Variants in GALK2 observed in about 807,000 individuals in gnomAD.
GALK2 encodes N-acetylgalactosamine kinase.
Under a neutral mutation model 52.4 loss-of-function variants are expected in GALK2, and 36 were observed. The ratio of observed to expected loss-of-function variants is 0.69; its 90% CI spans 0.53 to 0.91. The LOEUF is 0.91. Among genes scored for constraint, GALK2 ranks in the 40% least tolerant of loss-of-function variants. The pLI is 0.00. For synonymous variants in GALK2, 176 were observed against 199.1 expected, an observed-to-expected ratio of 0.88 and a Z score of 0.98; for missense variants, 579 against 559.1, an observed-to-expected ratio of 1.04 and a Z score of -0.36.
exon 4 of GALK2, chr15:49,367,555 T>A: frequency 6.2e-7 from 1 of 1,604,950 alleles, no homozygotes; most frequent in Non-Finnish European, 8.5e-7. Context: ...GACTCTGACC[T>A]CCAAAATTGA....
intron 1 of GALK2, among the ~76,000 whole-genome samples, chr15:49,159,593 T>A (rs796958102): frequency 1.2e-3 from 173 of 146,808 alleles, no homozygotes; most frequent in South Asian, 3.3e-3. Context: ...AAAAAAAAAA[T>A]AAAATAAAAT....
intron 5 of GALK2, among the ~76,000 whole-genome samples, chr15:49,241,696 G>A (rs1207328571): frequency 6.6e-6 from 1 of 152,182 alleles, no homozygotes; most frequent in Admixed American, 6.5e-5. Context: ...GGTATTTGGA[G>A]GAGGGTGTGA....
intron 8 of GALK2, among the ~76,000 whole-genome samples, chr15:49,300,301 C>T (rs2034998028): frequency 6.6e-6 from 1 of 151,886 alleles, no homozygotes; most frequent in Non-Finnish European, 1.5e-5. Context: ...GATCTTTCTC[C>T]ATCCCTTTAC....
chr15:49,247,913 A>G lies in GALK2; in HGVS notation c.504+8546A>G, dbSNP rs78746880. Among the ~76,000 whole-genome samples the G allele has an allele frequency of 6.4e-3, 973 of 152,338 alleles. 17 individuals are homozygous for G. Among genetic ancestry groups the G allele is most frequent in the African/African-American group, 0.023 (936 of 41,572 alleles). The stretch of plus-strand genomic sequence containing the variant: ...ACTTCATTTCAGGGGCAAATTAGTT[A>G]TATAGACAGGGGTTGATACTCTTTT... On this transcript the variant is annotated intron_variant, in intron 5 of 9. Transcript: ENST00000560031.
At chr15:49,199,352 T>G (rs2940746) in intron 1 of GALK2, among the ~76,000 whole-genome samples, 80,227 of 151,890 alleles carry the variant, frequency 0.53, 21,660 homozygotes, top group Admixed American at 0.63. Context: ...AAAGTTTTTG[T>G]ATACTTTTAT....
intron 3 of GALK2, among the ~76,000 whole-genome samples, chr15:49,351,147 AT>A (rs919293389): frequency 2.0e-5 from 3 of 152,292 alleles, no homozygotes; most frequent in African/African-American, 7.2e-5. Context: ...GTTTGCACTT[AT>A]TTGAATTCAG....
At chr15:49,312,957 C>CA (rs2036115905) in intron 8 of GALK2, among the ~76,000 whole-genome samples, 1 of 152,178 alleles carries the variant, frequency 6.6e-6, no homozygotes, top group Non-Finnish European at 1.5e-5. Context: ...GATATTTGCC[C>CA]ACTCTTCTGC....
At chr15:49,195,386 A>G (rs896558022) in intron 1 of GALK2, among the ~76,000 whole-genome samples, 3 of 152,030 alleles carry the variant, frequency 2.0e-5, no homozygotes, top group Non-Finnish European at 4.4e-5. Flanking sequence ...CTTTAAGTCT[A>G]TTTGTCTTTC....
chr15:49,244,661 A>T (rs1007502815), intron 5 of GALK2, among the ~76,000 whole-genome samples: 1 of 152,188 alleles, frequency 6.6e-6, no homozygotes, highest in Non-Finnish European at 1.5e-5. Flanking sequence ...AAGAAAGAAG[A>T]TCGCATGGGA....
intron 5 of GALK2, among the ~76,000 whole-genome samples, chr15:49,265,558 C>T (rs569987506): frequency 1.1e-4 from 16 of 152,350 alleles, no homozygotes; most frequent in African/African-American, 2.2e-4. Context: ...TTTTGGCTCG[C>T]GCGCAGTGCG....
At position 49,329,702 on chromosome 15, in the gene GALK2, C is replaced by T. The variant is rs1049484169; in HGVS notation, c.*1543C>T. 2.1e-5 allele frequency: 20 copies of T among 972,608 alleles called. No homozygotes were observed. The highest frequency in any genetic ancestry group is 2.4e-5 in the Non-Finnish European group (20 of 818,976). The allele number at this position is 972,608 out of a possible 1,614,324, so 60.2% of individuals were successfully genotyped here. A position where few individuals can be genotyped will look rare whatever the true frequency, so the allele number is the denominator to read the frequency against. ...TTCTATAAATCCAAAAATCTGAAAC[C>T]TGAATTTATTTAAATTTATAATCCT... On this transcript the variant is annotated 3_prime_UTR_variant, in exon 10 of 10. Coordinates refer to ENST00000560031, the MANE Select transcript of GALK2 (RefSeq NM_002044.4).
At chr15:49,201,125 TATATG>T (rs1566931322) in intron 1 of GALK2, 32 bp from the exon 2 acceptor site, 1 of 1,123,912 alleles carries the variant, frequency 8.9e-7, no homozygotes, top group East Asian at 2.4e-5. Context: ...GATTTTCTGT[TATATG>T]ATATTCTGAA....
At chr15:49,203,345 C>T (rs1322661335) in intron 2 of GALK2, among the ~76,000 whole-genome samples, 9 of 152,134 alleles carry the variant, frequency 5.9e-5, no homozygotes, top group African/African-American at 1.4e-4. Flanking sequence ...GCCACCACAC[C>T]GAGACCATTT....
chr15:49,193,032 C>T (rs1261669050), intron 1 of GALK2, among the ~76,000 whole-genome samples: 1 of 138,718 alleles, frequency 7.2e-6, no homozygotes, highest in Non-Finnish European at 1.5e-5. Context: ...GAATCTCGCT[C>T]TGTTGCCCAG....
At chr15:49,281,247 C>G (rs2032650995) in intron 5 of GALK2, among the ~76,000 whole-genome samples, 1 of 152,110 alleles carries the variant, frequency 6.6e-6, no homozygotes, top group Non-Finnish European at 1.5e-5. Flanking sequence ...GAAGTAATAC[C>G]AAGTTGCATA....
intron 5 of GALK2, among the ~76,000 whole-genome samples, chr15:49,246,699 G>A (rs890530331): frequency 1.3e-5 from 2 of 152,270 alleles, no homozygotes; most frequent in African/African-American, 4.8e-5. Context: ...ATAGTTCACT[G>A]GGGAACCTGG....
intron 1 of GALK2, chr15:49,156,446 G>A: frequency 2.1e-6 from 1 of 465,628 alleles, no homozygotes; most frequent in Non-Finnish European, 4.2e-6. Flanking sequence ...CCTCCTGCCA[G>A]AGCAGATTAG....
chr15:49,206,581 T>A (rs1007038096), intron 2 of GALK2, among the ~76,000 whole-genome samples: 9 of 152,070 alleles, frequency 5.9e-5, no homozygotes, highest in African/African-American at 2.2e-4. Flanking sequence ...TATTTTATTT[T>A]TTATTTATTT....
chr15:49,269,192 C>G (rs16962235), intron 5 of GALK2, among the ~76,000 whole-genome samples: 9,194 of 152,232 alleles, frequency 0.06, 559 homozygotes, highest in African/African-American at 0.15. Flanking sequence ...TATTGGTTGT[C>G]AGCACTTCTT....
Sources: allele counts gnomAD v4.1 joint callset (sites outside exome capture counted in the v4.1 genomes callset), GRCh38; gene constraint gnomAD v4.1.1; transcripts MANE v1.5; gene names NCBI Gene and HGNC (gene_info 2026-07-23, HGNC 2026-07-21).